ITPK1: variants seen among roughly 807,000 people sequenced by gnomAD.
The protein encoded by ITPK1 is inositol 1,3,4-trisphosphate 5/6-kinase.
Under a neutral mutation model 45.3 loss-of-function variants are expected in ITPK1, and 21 were observed. The observed-to-expected ratio is 0.46, with a 90% CI of 0.33 to 0.67. The LOEUF is 0.67. ITPK1 is among the 30% of genes least tolerant of loss of function. The pLI is 0.02. For synonymous variants in ITPK1, 258 were observed against 253.6 expected, an observed-to-expected ratio of 1.02 and a Z score of -0.16; for missense variants, 474 against 573.5, an observed-to-expected ratio of 0.83 and a Z score of 1.77.
intron 2 of ITPK1, among the ~76,000 whole-genome samples, chr14:93,092,877 G>A (rs1008495720): frequency 6.6e-6 from 1 of 152,156 alleles, no homozygotes; most frequent in Non-Finnish European, 1.5e-5. Flanking sequence ...CTGGGCTGAA[G>A]AGCGCACTCC....
Position 92,941,416 on chromosome 14 carries a change from T to C in ITPK1, c.*145A>G, listed in dbSNP as rs1035711789. On this transcript the variant is annotated 3_prime_UTR_variant, in exon 11 of 11. Transcript: ENST00000267615. ...CCCCCACTACCCCTCATTTAGATCA[T>C]GACATCAGAGAATCAGGTTAAAAAT... is the stretch of plus-strand genomic sequence containing the variant. The C allele has an allele frequency of 8.4e-6, 12 of 1,420,508 alleles. No individual in the cohort carries two copies. In the South Asian group the frequency reaches 1.5e-4, roughly 18 times the overall value. 88.0% of individuals were successfully genotyped at this position (1,420,508 alleles called of 1,614,324 possible). A position where few individuals can be genotyped will look rare whatever the true frequency, so the allele number is the denominator to read the frequency against.
intron 3 of ITPK1, among the ~76,000 whole-genome samples, chr14:93,018,854 T>G (rs995900324): frequency 6.6e-6 from 1 of 152,214 alleles, no homozygotes; most frequent in Admixed American, 6.5e-5. Context: ...GCGGCCAGGA[T>G]GGAGGCTGTG....
In ITPK1 at chr14:93,115,798, T is replaced by A; in HGVS notation, c.-169A>T. ...CGCCGCCGCCGCCGCCACTTCCTCC[T>A]CGGCCTGGTCCTCGCGCGCTGCCCG... On this transcript the variant is annotated 5_prime_UTR_variant, in exon 1 of 11. Coordinates refer to ENST00000267615, the MANE Select transcript of ITPK1 (RefSeq NM_014216.6). 6.7e-6 allele frequency: 1 copy of A among 148,326 alleles called. No individual in the cohort carries two copies. The highest frequency in any genetic ancestry group is 1.5e-5 in the Non-Finnish European group (1 of 66,618). The allele number at this position is 148,326 out of a possible 1,614,324, so 9.2% of individuals were successfully genotyped here. A position where few individuals can be genotyped will look rare whatever the true frequency, so the allele number is the denominator to read the frequency against.
chr14:93,107,844 A>C (rs1197654984), intron 2 of ITPK1, among the ~76,000 whole-genome samples: 1 of 152,228 alleles, frequency 6.6e-6, no homozygotes, highest in African/African-American at 2.4e-5. Context: ...GGGGAGATGC[A>C]GGCCACAAGG....
chr14:92,960,067 G>A (rs1182979818), intron 7 of ITPK1, among the ~76,000 whole-genome samples: 1 of 152,204 alleles, frequency 6.6e-6, no homozygotes, highest in East Asian at 1.9e-4. Flanking sequence ...CACCCCAGAG[G>A]GCACGTCCCT....
chr14:93,016,233 A>G lies in ITPK1; in HGVS notation c.246+443T>C, dbSNP rs575895296. Among the ~76,000 whole-genome samples, 1 of 152,262 alleles carries G rather than the reference A, an allele frequency of 6.6e-6. No individual in the cohort carries two copies. The highest frequency in any genetic ancestry group is 2.4e-5 in the African/African-American group (1 of 41,544). On this transcript the variant is annotated intron_variant, in intron 4 of 10. Transcript: ENST00000267615. The surrounding 1 kb of genome is among the most constrained non-coding windows in gnomAD (Gnocchi z 5.0). ...ATGCTCAAAGGTGAGTACCCAGGTC[A>G]AAGTAATGGGCAGAGGCAGGGTTCT... is the stretch of plus-strand genomic sequence containing the variant.
chr14:92,959,852 A>C (rs1401358542), intron 7 of ITPK1, among the ~76,000 whole-genome samples: 2 of 152,230 alleles, frequency 1.3e-5, no homozygotes, highest in Non-Finnish European at 2.9e-5. Context: ...GTTTTGGTTG[A>C]GTCTCGGGCT....
chr14:93,054,448 G>A (rs1382038131), intron 3 of ITPK1, among the ~76,000 whole-genome samples: 1 of 152,150 alleles, frequency 6.6e-6, no homozygotes, highest in Non-Finnish European at 1.5e-5. Context: ...TCCATGCCCA[G>A]AAACAGACCC....
Position 92,941,015 on chromosome 14 carries a change from T to C in ITPK1, c.*546A>G, listed in dbSNP as rs1887350933. 1.6e-6 allele frequency: 2 copies of C among 1,255,372 alleles called. No homozygotes were observed. The highest frequency in any genetic ancestry group is 5.7e-5 in the East Asian group (1 of 17,528). 77.8% of individuals were successfully genotyped at this position (1,255,372 alleles called of 1,614,324 possible). ...TCCTCTGGCTGTGGGGAGGGAGGGG[T>C]TAGCTGCACACCAGGCAGGGTGGGG... On this transcript the variant is annotated 3_prime_UTR_variant, in exon 11 of 11. Transcript: ENST00000267615.
intron 3 of ITPK1, among the ~76,000 whole-genome samples, chr14:93,074,364 G>A (rs1421500062): frequency 2.6e-5 from 4 of 152,152 alleles, no homozygotes; most frequent in Non-Finnish European, 5.9e-5. Flanking sequence ...CCCACAGACC[G>A]AGCGGATTAA....
chr14:93,000,067 G>A (rs760720513), intron 4 of ITPK1, among the ~76,000 whole-genome samples: 3 of 152,164 alleles, frequency 2.0e-5, no homozygotes, highest in Non-Finnish European at 2.9e-5. Flanking sequence ...ATGTTGCAGC[G>A]TGCGGCAGTG....
chr14:92,970,200 G>T (rs796350889), intron 5 of ITPK1, among the ~76,000 whole-genome samples: 22 of 152,318 alleles, frequency 1.4e-4, no homozygotes, highest in African/African-American at 5.3e-4. Flanking sequence ...GCACCTGAAG[G>T]GGCAGTTTTG....
chr14:93,092,699 T>C (rs1891911809), intron 2 of ITPK1, among the ~76,000 whole-genome samples: 1 of 152,218 alleles, frequency 6.6e-6, no homozygotes, highest in African/African-American at 2.4e-5. Flanking sequence ...GGCACAGCTG[T>C]GGGGAACCCA....
At chr14:93,056,175 G>A (rs1324558240) in intron 3 of ITPK1, among the ~76,000 whole-genome samples, 2 of 152,214 alleles carry the variant, frequency 1.3e-5, no homozygotes, top group Non-Finnish European at 2.9e-5. Flanking sequence ...CAAAGCAGGA[G>A]AGTGGCCTGG....
Position 92,994,889 on chromosome 14 carries a change from G to C in ITPK1, c.247-892C>G, listed in dbSNP as rs1031118593. ...TAAGGAAACAGGGTCTTTGTGGATG[G>C]AACAGAGTTAGGACTCCATATGGGT... On this transcript the variant is annotated intron_variant, in intron 4 of 10. Coordinates refer to ENST00000267615, the MANE Select transcript of ITPK1 (RefSeq NM_014216.6). Among the ~76,000 whole-genome samples, 8 of 152,336 alleles carry C rather than the reference G, an allele frequency of 5.3e-5. No homozygotes were observed. In the South Asian group the frequency reaches 1.5e-3, roughly 28 times the overall value.
At chr14:92,969,123 C>T (rs73330397) in intron 5 of ITPK1, among the ~76,000 whole-genome samples, 4,493 of 152,206 alleles carry the variant, frequency 0.03, 232 homozygotes, top group African/African-American at 0.1. Flanking sequence ...TACTACTGTT[C>T]CAATAACCAT....
chr14:92,950,342 C>A (rs1321020631), intron 9 of ITPK1, among the ~76,000 whole-genome samples: 3 of 152,246 alleles, frequency 2.0e-5, no homozygotes, highest in Non-Finnish European at 2.9e-5. Context: ...CGTGTTTCCG[C>A]ACCTGGGAAC....
At chr14:93,052,915 CA>C (rs1890074122) in intron 3 of ITPK1, among the ~76,000 whole-genome samples, 1 of 148,806 alleles carries the variant, frequency 6.7e-6, no homozygotes. Flanking sequence ...TGTTTAAAAC[CA>C]GTGGTTCTCC....
intron 3 of ITPK1, among the ~76,000 whole-genome samples, chr14:93,044,827 C>T (rs1319318131): frequency 1.3e-5 from 2 of 152,196 alleles, no homozygotes; most frequent in Admixed American, 6.5e-5. Flanking sequence ...AACCCGACAC[C>T]GTGACGGACT....
Sources: gnomAD v4.1 joint callset for allele counts (sites outside exome capture counted in the v4.1 genomes callset) on GRCh38, gnomAD v4.1.1 for gene constraint, Gnocchi (gnomAD v3.1) non-coding constraint, MANE v1.5 for transcripts, NCBI Gene and HGNC (gene_info 2026-07-23, HGNC 2026-07-21) for gene names.